VWDE: variants seen among roughly 807,000 people sequenced by gnomAD.
The protein encoded by VWDE is von Willebrand factor D and EGF domains.
VWDE carries 207 observed loss-of-function variants against 178.4 expected under a neutral mutation model. The ratio of observed to expected loss-of-function variants is 1.16; its 90% CI spans 1.04 to 1.30. The LOEUF (loss-of-function observed/expected upper bound fraction) is 1.30, where lower values mean the gene tolerates loss of function less well. Among genes scored for constraint, VWDE ranks in the 50% most tolerant of loss-of-function variants. VWDE has a pLI of 0.00. For synonymous variants in VWDE, 738 were observed against 651.4 expected (o/e 1.13, Z -2.02); for missense variants, 2,287 against 1,901.3 (o/e 1.20, Z -3.77).
At chr7:12,371,984 G>A (rs543760530) in intron 10 of VWDE, among the ~76,000 whole-genome samples, 6 of 152,004 alleles carry the variant, frequency 3.9e-5, no homozygotes, top group Non-Finnish European at 8.8e-5. Flanking sequence ...TGCACACATA[G>A]GTGCAGGTTA....
Position 12,369,855 on chromosome 7 carries a change from G to A in VWDE, c.2451C>T (p.Ser817=), listed in dbSNP as rs1453949003. The change falls in exon 12 of 29, where the codon TCC becomes TCT. Residue 817 remains serine, a synonymous_variant. Coordinates refer to ENST00000275358, the MANE Select transcript of VWDE (RefSeq NM_001135924.3). ...LTLCQETLAN[S]SIGRLCLAFL... ...AAGCAAGACACAGCCTTCCTATGCTGGAGTTGGCTAGAGTCTCCTGACAGA... is the reference window on the plus strand; with the variant it reads ...AAGCAAGACACAGCCTTCCTATGCTAGAGTTGGCTAGAGTCTCCTGACAGA... 1.3e-6 allele frequency: 2 copies of A among 1,551,484 alleles called. No homozygotes were observed. The highest frequency in any genetic ancestry group is 1.7e-4 in the Middle Eastern group (1 of 5,990).
chr7:12,385,482 C>G (rs1784053234), intron 3 of VWDE, among the ~76,000 whole-genome samples: 1 of 152,200 alleles, frequency 6.6e-6, no homozygotes, highest in African/African-American at 2.4e-5. Flanking sequence ...ACCTTTTGAA[C>G]TTTCTCTTTT....
intron 4 of VWDE, among the ~76,000 whole-genome samples, chr7:12,383,069 T>G (rs1398107707): frequency 6.6e-6 from 1 of 151,714 alleles, no homozygotes; most frequent in Non-Finnish European, 1.5e-5. Context: ...ACTTTAATGG[T>G]GTTTGCAAAA....
At position 12,351,791 on chromosome 7, in the gene VWDE, AC is replaced by A. The variant is rs1257171462; in HGVS notation, c.3746-79del. The A allele has an allele frequency of 1.1e-5, 14 of 1,256,260 alleles. No individual in the cohort carries two copies. The South Asian group carries it at 2.2e-4, about 19-fold the overall frequency. The allele number at this position is 1,256,260 out of a possible 1,614,324, so 77.8% of individuals were successfully genotyped here. A position where few individuals can be genotyped will look rare whatever the true frequency, so the allele number is the denominator to read the frequency against. On this transcript the variant is annotated intron_variant, in intron 18 of 28. Transcript: ENST00000275358. ...AGCACCACAAATAAGAATATACAAT[AC>A]AAACGCCACTTGGATTAAACTCTGC...
chr7:12,341,396 G>A (rs971639595), intron 23 of VWDE, among the ~76,000 whole-genome samples: 1 of 152,160 alleles, frequency 6.6e-6, no homozygotes, highest in African/African-American at 2.4e-5. Context: ...TACTTTGAGA[G>A]GCTGAGGCAG....
At chr7:12,381,866 C>T (rs1425583401) in intron 4 of VWDE, among the ~76,000 whole-genome samples, 1 of 151,480 alleles carries the variant, frequency 6.6e-6, no homozygotes, top group Non-Finnish European at 1.5e-5. Context: ...AGACAAATGA[C>T]TGAAAAAAAT....
At chr7:12,351,508 G>T in intron 19 of VWDE, 65 bp downstream of exon 19, 1 of 1,442,140 alleles carries the variant, frequency 6.9e-7, no homozygotes, top group South Asian at 1.5e-5. Context: ...TAAATATGTT[G>T]GTCTTCTAGA....
Position 12,341,072 on chromosome 7 carries a change from C to G in VWDE, c.4271-655G>C, listed in dbSNP as rs116321294. ...AAATTAATTTCTTCCTTCTCTGCTTCTAAGGAACTGTGTTTCAATAACATT... is the reference window on the plus strand; with the variant it reads ...AAATTAATTTCTTCCTTCTCTGCTTGTAAGGAACTGTGTTTCAATAACATT... On this transcript the variant is annotated intron_variant, in intron 23 of 28. Coordinates refer to ENST00000275358, the MANE Select transcript of VWDE (RefSeq NM_001135924.3). 3.3e-3 allele frequency among the ~76,000 whole-genome samples: 502 copies of G among 152,278 alleles called. 9 individuals carry two copies. Among genetic ancestry groups the G allele is most frequent in the African/African-American group, 0.012 (479 of 41,562 alleles).
intron 3 of VWDE, 90 bp downstream of exon 3, chr7:12,389,037 T>G: frequency 1.1e-6 from 1 of 922,212 alleles, no homozygotes; most frequent in Non-Finnish European, 1.7e-6. Context: ...TACTGAGATT[T>G]GCACTAACTC....
chr7:12,375,353 A>C (rs1205622211), intron 7 of VWDE, 126 bp from the exon 8 acceptor site: 1 of 911,136 alleles, frequency 1.1e-6, no homozygotes, highest in African/African-American at 1.7e-5. Flanking sequence ...CTTTCTTAAA[A>C]CATATGGTTG....
chr7:12,385,265 T>G (rs1235803394), intron 3 of VWDE, among the ~76,000 whole-genome samples: 3 of 152,132 alleles, frequency 2.0e-5, no homozygotes, highest in Non-Finnish European at 4.4e-5. Flanking sequence ...TTTTGGTGAT[T>G]TTAAAATTAA....
chr7:12,370,518 T>C lies in VWDE; in HGVS notation c.1797-9A>G, dbSNP rs1250915025. On this transcript the variant is annotated splice_polypyrimidine_tract_variant and intron_variant, in intron 11 of 28. Transcript: ENST00000275358. ...TTTTTCCTGGTAAAATCCTTCCAGA[T>C]GGAAAACAGGAAAGAATAGTAATTT... 2 of 1,534,324 alleles carry C rather than the reference T, an allele frequency of 1.3e-6. No individual in the cohort carries two copies. The highest frequency in any genetic ancestry group is 1.8e-6 in the Non-Finnish European group (2 of 1,141,752).
In VWDE at chr7:12,403,562, G is replaced by A. The variant is rs921238300; in HGVS notation, c.58+97C>T. On this transcript the variant is annotated intron_variant, in intron 1 of 28. Transcript: ENST00000275358. ...TCGCTTGCTGCCTTAAAACGCACAG[G>A]GACGCTCCCCAAGTCGTCCAAAAAG... The A allele has an allele frequency of 2.0e-5, 24 of 1,216,050 alleles. No homozygotes were observed. The African/African-American group carries it at 3.7e-4, about 19-fold the overall frequency. The allele number at this position is 1,216,050 out of a possible 1,614,324, so 75.3% of individuals were successfully genotyped here.
chr7:12,403,556 G>T (rs1275591831), intron 1 of VWDE, 103 bp downstream of exon 1: 2 of 1,148,456 alleles, frequency 1.7e-6, no homozygotes, highest in African/African-American at 1.6e-5. Context: ...GCCTTAAAAC[G>T]CACAGGGACG....
chr7:12,395,088 T>TAC lies in VWDE; in HGVS notation c.59-1311_59-1310insGT, dbSNP rs1784562133. ...AATGATCTCTCTACAGAATTTTTTT[T>TAC]AGTACAAGATATTGGAAGTCAACAC... On this transcript the variant is annotated intron_variant, in intron 1 of 28. Coordinates refer to ENST00000275358, the MANE Select transcript of VWDE (RefSeq NM_001135924.3). Among the ~76,000 whole-genome samples, 3 of 152,130 alleles carry TAC rather than the reference T, an allele frequency of 2.0e-5. No homozygotes were observed. The South Asian group carries it at 6.2e-4, about 31-fold the overall frequency.
Position 12,351,559 on chromosome 7 carries a change from T to C in VWDE, c.3886+14A>G, listed in dbSNP as rs1167989228. The C allele has an allele frequency of 4.6e-6, 7 of 1,536,630 alleles. No individual in the cohort carries two copies. The highest frequency in any genetic ancestry group is 6.1e-6 in the Non-Finnish European group (7 of 1,142,284). ...ATTACTTGTCATTAGATTTTAACTA[T>C]GACCATTACTTACTGAAGGCATTTC... On this transcript the variant is annotated intron_variant, in intron 19 of 28. Coordinates refer to ENST00000275358, the MANE Select transcript of VWDE (RefSeq NM_001135924.3).
Position 12,380,687 on chromosome 7 carries a change from C to G in VWDE, c.588G>C (p.Glu196Asp). The G allele has an allele frequency of 6.4e-7, 1 of 1,551,966 alleles. No homozygotes were observed. Among genetic ancestry groups the G allele is most frequent in the South Asian group, 1.2e-5 (1 of 84,058 alleles). The change falls in exon 5 of 29, where the codon GAG (glutamate) becomes GAC (aspartate). Residue 196 changes from glutamate to aspartate, a missense_variant. Glu to Asp is a conservative substitution (Grantham distance 45, BLOSUM62 2). Coordinates refer to ENST00000275358, the MANE Select transcript of VWDE (RefSeq NM_001135924.3). ...TGGACTCAATCAACTCCACCAGAAC[C>G]TCTGGCCTTCCTGCAGGTGGAGGTG... Reference protein sequence around the residue: ...SLPPPPAGRPEVLVELIESRL... With the variant: ...SLPPPPAGRPDVLVELIESRL...
intron 19 of VWDE, among the ~76,000 whole-genome samples, chr7:12,348,072 T>C (rs1334114820): frequency 6.6e-6 from 1 of 152,084 alleles, no homozygotes; most frequent in African/African-American, 2.4e-5. Flanking sequence ...CAAAAATCAA[T>C]TCAAGATGGA....
rs1375657754 is a variant in VWDE at position 12,359,589 on chromosome 7, G to T, written c.3263C>A (p.Ser1088Ter). The change falls in exon 16 of 29, where the codon TCA becomes TAA. Residue 1088 changes from serine (S) to a stop codon, truncating the protein, a stop_gained. Coordinates refer to ENST00000275358, the MANE Select transcript of VWDE (RefSeq NM_001135924.3). LOFTEE classifies it high-confidence loss of function. ...AAAGAGTAACTTACTTTCTAAAAAT[G>T]ACCAAGTAAATCTTGAAATTTTGGG... is the stretch of plus-strand genomic sequence containing the variant. ...CRPKISRFTW[S>*]FLENNQPPVI... is the part of the protein sequence containing the mutation. 5.2e-6 allele frequency: 8 copies of T among 1,545,858 alleles called. No homozygotes were observed. In the South Asian group the frequency reaches 9.6e-5, roughly 19 times the overall value.
Sources: gnomAD v4.1 joint callset for allele counts (sites outside exome capture counted in the v4.1 genomes callset) on GRCh38, gnomAD v4.1.1 for gene constraint, MANE v1.5 for transcripts, NCBI Gene and HGNC (gene_info 2026-07-23, HGNC 2026-07-21) for gene names.